Variants in DPYS observed in about 807,000 individuals in gnomAD.
DPYS encodes dihydropyrimidinase.
Under a neutral mutation model 50.3 loss-of-function variants are expected in DPYS, and 39 were observed. The observed-to-expected ratio is 0.78, with a 90% CI of 0.60 to 1.01. The LOEUF is 1.01. Among genes scored for constraint, DPYS ranks in the 50% least tolerant of loss-of-function variants. DPYS has a pLI of 0.00. For synonymous variants in DPYS, 245 were observed against 250.7 expected (o/e 0.98, Z 0.22); for missense variants, 659 against 680.9 (o/e 0.97, Z 0.36).
intron 7 of DPYS, among the ~76,000 whole-genome samples, chr8:104,419,352 T>C (rs1325040268): frequency 1.3e-5 from 2 of 152,182 alleles, no homozygotes; most frequent in African/African-American, 4.8e-5. Context: ...CTGTTCAACA[T>C]TTATTGTGCT....
chr8:104,461,588 T>G (rs1024024732), intron 1 of DPYS, among the ~76,000 whole-genome samples: 1 of 152,122 alleles, frequency 6.6e-6, no homozygotes, highest in Admixed American at 6.5e-5. Context: ...CACCAAAATG[T>G]CCATCATGGA....
intron 7 of DPYS, among the ~76,000 whole-genome samples, chr8:104,399,201 G>C (rs562130048): frequency 6.9e-6 from 1 of 145,102 alleles, no homozygotes; most frequent in African/African-American, 2.5e-5. Flanking sequence ...TGAAGCAGGA[G>C]AATCAGTTGA....
intron 3 of DPYS, 126 bp downstream of exon 3, chr8:104,447,198 A>C (rs1480704331): frequency 1.6e-6 from 2 of 1,265,352 alleles, no homozygotes; most frequent in African/African-American, 3.0e-5. Flanking sequence ...GAGCCACGGA[A>C]AATCCATTTC....
chr8:104,466,708 C>G lies in DPYS; in HGVS notation c.213G>C (p.Gln71His). 6.5e-7 allele frequency: 1 copy of G among 1,533,972 alleles called. No individual in the cohort carries two copies. Among genetic ancestry groups the G allele is most frequent in the Non-Finnish European group, 8.7e-7 (1 of 1,144,574 alleles). ...TGGACCGCGAGCCCATGAAGGGGAACTGCATGTGCGTGTGTGTGTCGATGC... is the reference window on the plus strand; with the variant it reads ...TGGACCGCGAGCCCATGAAGGGGAAGTGCATGTGCGTGTGTGTGTCGATGC... ...PGGIDTHTHM[Q>H]FPFMGSRSID... Residue 71 changes from glutamine to histidine, a missense_variant, in exon 1 of 10, where the codon CAG becomes CAC. Transcript: ENST00000351513.
intron 4 of DPYS, among the ~76,000 whole-genome samples, chr8:104,438,717 T>C (rs906562316): frequency 6.6e-6 from 1 of 152,140 alleles, no homozygotes; most frequent in Non-Finnish European, 1.5e-5. Flanking sequence ...ATAATACAGC[T>C]GGTAGACATC....
chr8:104,466,836 C>T lies in DPYS; in HGVS notation c.85G>A (p.Asp29Asn). 1 of 1,533,096 alleles carries T rather than the reference C, an allele frequency of 6.5e-7. No individual in the cohort carries two copies. The highest frequency in any genetic ancestry group is 8.7e-7 in the Non-Finnish European group (1 of 1,145,262). The allele number at this position is 1,533,096 out of a possible 1,614,324, so 95.0% of individuals were successfully genotyped here. The change falls in exon 1 of 10, where the codon GAC (aspartate) becomes AAC (asparagine). Residue 29 changes from aspartate to asparagine, a missense_variant. By Grantham distance (23) the Asp-to-Asn change is conservative. Coordinates refer to ENST00000351513, the MANE Select transcript of DPYS (RefSeq NM_001385.3). The part of the protein sequence containing the change: ...FSEVADVLVE[D>N]GVVRALGHDL... ...TGCCCGAGTGCCCGCACCACGCCGT[C>T]CTCCACCAGCACGTCGGCCACCTCC...
chr8:104,438,835 C>T (rs1212413496), intron 4 of DPYS, among the ~76,000 whole-genome samples: 2 of 152,086 alleles, frequency 1.3e-5, no homozygotes, highest in Non-Finnish European at 2.9e-5. Context: ...CTAATCCCAG[C>T]TCTGTGGGAG....
chr8:104,453,596 G>T (rs1813829314), intron 1 of DPYS, among the ~76,000 whole-genome samples: 2 of 152,192 alleles, frequency 1.3e-5, no homozygotes, highest in African/African-American at 2.4e-5. Context: ...CAGCTGGTGG[G>T]AATGCAAAAT....
At chr8:104,432,178 T>C (rs1249506975) in intron 4 of DPYS, among the ~76,000 whole-genome samples, 1 of 152,228 alleles carries the variant, frequency 6.6e-6, no homozygotes, top group Non-Finnish European at 1.5e-5. Context: ...TCTCTACCCA[T>C]AGATGTTCTC....
chr8:104,437,392 A>G (rs1276088700), intron 4 of DPYS, among the ~76,000 whole-genome samples: 1 of 152,200 alleles, frequency 6.6e-6, no homozygotes, highest in Non-Finnish European at 1.5e-5. Context: ...CAAAATGACA[A>G]CTAGAGTGAC....
intron 7 of DPYS, among the ~76,000 whole-genome samples, chr8:104,408,370 T>C (rs956972323): frequency 6.6e-6 from 1 of 152,118 alleles, no homozygotes; most frequent in Non-Finnish European, 1.5e-5. Flanking sequence ...AAAAGAAACA[T>C]GAACAAAGGG....
intron 8 of DPYS, 153 bp from the exon 9 acceptor site, chr8:104,381,467 C>A: frequency 1.4e-6 from 1 of 693,592 alleles, no homozygotes; most frequent in Non-Finnish European, 2.5e-6. Flanking sequence ...ACGGAAATTC[C>A]TGGCAACCTT....
chr8:104,448,953 T>G (rs1564110050), intron 2 of DPYS, among the ~76,000 whole-genome samples: 1 of 152,148 alleles, frequency 6.6e-6, no homozygotes, highest in African/African-American at 2.4e-5. Context: ...TTCAGCCCCA[T>G]GAGAGAAGGG....
chr8:104,402,482 A>G (rs564941590), intron 7 of DPYS, among the ~76,000 whole-genome samples: 1 of 152,322 alleles, frequency 6.6e-6, no homozygotes, highest in South Asian at 2.1e-4. Flanking sequence ...AAGCTAGGCT[A>G]TTAGCCTGAA....
At chr8:104,403,886 T>TA (rs1397349167) in intron 7 of DPYS, among the ~76,000 whole-genome samples, 2 of 152,142 alleles carry the variant, frequency 1.3e-5, no homozygotes, top group South Asian at 2.1e-4. Flanking sequence ...AGAGAGAACT[T>TA]CAAGTTCTGC....
At chr8:104,446,353 GACAA>G (rs1253520779) in intron 3 of DPYS, among the ~76,000 whole-genome samples, 3 of 152,120 alleles carry the variant, frequency 2.0e-5, no homozygotes, top group Admixed American at 2.0e-4. Context: ...TATTGATTCA[GACAA>G]ACAAAATAAA....
chr8:104,410,698 A>G (rs1812145162), intron 7 of DPYS, among the ~76,000 whole-genome samples: 1 of 152,124 alleles, frequency 6.6e-6, no homozygotes. Flanking sequence ...AAGACATTCA[A>G]TAGCTCATGC....
At chr8:104,455,241 A>G (rs188068176) in intron 1 of DPYS, among the ~76,000 whole-genome samples, 183 of 152,244 alleles carry the variant, frequency 1.2e-3, no homozygotes, top group African/African-American at 4.0e-3. Flanking sequence ...ATCAGGCCCT[A>G]GAGCCTGAGC....
At position 104,436,614 on chromosome 8, in the gene DPYS, A is replaced by AAAACC. The variant is rs530922560; in HGVS notation, c.794-6918_794-6914dup. ...GACTCCATCTAAAACAAAACAAAAC[A>AAAACC]AAACCCTGAAAAATTGAACTAGAAA... On this transcript the variant is annotated intron_variant, in intron 4 of 9. Transcript: ENST00000351513. Among the ~76,000 whole-genome samples the AAAACC allele has an allele frequency of 8.0e-4, 122 of 152,224 alleles. No individual in the cohort carries two copies. In the Middle Eastern group the frequency reaches 0.02, roughly 25 times the overall value.
Sources: gnomAD v4.1 joint callset for allele counts (sites outside exome capture counted in the v4.1 genomes callset) on GRCh38, gnomAD v4.1.1 for gene constraint, MANE v1.5 for transcripts, NCBI Gene and HGNC (gene_info 2026-07-23, HGNC 2026-07-21) for gene names.